The following ZNF385B variants were observed in gnomAD, a reference collection of about 807,000 sequenced individuals.
ZNF385B encodes zinc finger protein 533.
ZNF385B carries 23 observed loss-of-function variants against 39.2 expected under a neutral mutation model. That is an observed-to-expected ratio of 0.59 (90% CI 0.42 to 0.83). ZNF385B has a LOEUF of 0.83. Ranked by LOEUF, ZNF385B falls within the 40% of genes least tolerant of loss-of-function variation. The pLI is 0.00. For synonymous variants in ZNF385B, 205 were observed against 222.6 expected, an observed-to-expected ratio of 0.92 and a Z score of 0.70; for missense variants, 552 against 598.9, an observed-to-expected ratio of 0.92 and a Z score of 0.82.
chr2:179,641,206 A>C (rs4999673), intron 3 of ZNF385B, among the ~76,000 whole-genome samples: 140,020 of 151,934 alleles, frequency 0.92, 64,675 homozygotes, highest in African/African-American at 0.95. Flanking sequence ...ATCTGCTATA[A>C]AACGTTTTAT....
intron 1 of ZNF385B, among the ~76,000 whole-genome samples, chr2:179,771,555 T>C (rs1336819098): frequency 6.6e-6 from 1 of 152,202 alleles, no homozygotes; most frequent in Non-Finnish European, 1.5e-5. Context: ...AGAAATCAGG[T>C]TTAAGCAGTT....
intron 3 of ZNF385B, among the ~76,000 whole-genome samples, chr2:179,667,086 A>G (rs1695259915): frequency 6.6e-6 from 1 of 152,196 alleles, no homozygotes; most frequent in African/African-American, 2.4e-5. Context: ...GTGGCATAAT[A>G]CAATTGGCAA....
chr2:179,443,013 G>T lies in ZNF385B; in HGVS notation c.*237C>A. On this transcript the variant is annotated 3_prime_UTR_variant, in exon 10 of 10. Transcript: ENST00000410066. ...TACACAAATTGAACGCGGTAGGGTG[G>T]GGGAGGAAGTAGGGAGATAAAGCCT... The T allele has an allele frequency of 1.7e-6, 1 of 596,458 alleles. No homozygotes were observed. The highest frequency in any genetic ancestry group is 3.0e-6 in the Non-Finnish European group (1 of 334,782). 36.9% of individuals were successfully genotyped at this position (596,458 alleles called of 1,614,324 possible). A position where few individuals can be genotyped will look rare whatever the true frequency, so the allele number is the denominator to read the frequency against.
chr2:179,695,436 A>G (rs934920651), intron 3 of ZNF385B, among the ~76,000 whole-genome samples: 32 of 152,256 alleles, frequency 2.1e-4, no homozygotes, highest in African/African-American at 7.7e-4. Flanking sequence ...TTTAAATTAT[A>G]TAACTGAAAG....
intron 3 of ZNF385B, among the ~76,000 whole-genome samples, chr2:179,633,410 A>G (rs1355584769): frequency 2.6e-5 from 4 of 152,212 alleles, no homozygotes; most frequent in Non-Finnish European, 5.9e-5. Context: ...TATGCAAATC[A>G]ATAAACGTAC....
intron 4 of ZNF385B, among the ~76,000 whole-genome samples, chr2:179,541,157 G>A (rs764601740): frequency 9.2e-5 from 14 of 152,074 alleles, no homozygotes; most frequent in Admixed American, 3.9e-4. Flanking sequence ...TTCAAACTCC[G>A]TCTTCCTTAT....
At position 179,792,341 on chromosome 2, in the gene ZNF385B, G is replaced by C. The variant is rs1485147715; in HGVS notation, c.-154-21669C>G. Among the ~76,000 whole-genome samples, 3 of 149,376 alleles carry C rather than the reference G, an allele frequency of 2.0e-5. No homozygotes were observed. The Admixed American group carries it at 2.0e-4, about 10-fold the overall frequency. Reference sequence around the variant, plus strand: ...ACTTTAATAATAATTTATTCAAGCAGTGACTGAAGAAGTAGGCCATTTCAT... The same window carrying C: ...ACTTTAATAATAATTTATTCAAGCACTGACTGAAGAAGTAGGCCATTTCAT... On this transcript the variant is annotated intron_variant, in intron 1 of 9. Coordinates refer to ENST00000410066, the MANE Select transcript of ZNF385B (RefSeq NM_152520.6).
chr2:179,506,480 A>G (rs1373042010), intron 5 of ZNF385B, among the ~76,000 whole-genome samples: 1 of 152,160 alleles, frequency 6.6e-6, no homozygotes, highest in Non-Finnish European at 1.5e-5. Context: ...AATAAAATGT[A>G]ATATCAGTGG....
chr2:179,763,597 T>G (rs1212533210), intron 3 of ZNF385B, among the ~76,000 whole-genome samples: 7 of 152,224 alleles, frequency 4.6e-5, no homozygotes, highest in Non-Finnish European at 1.0e-4. Context: ...ACTTACTTAT[T>G]TGAGAACTTT....
At position 179,478,172 on chromosome 2, in the gene ZNF385B, C is replaced by A. The variant is rs528795995; in HGVS notation, c.715+5100G>T. ...TAACCTTCCCATAACCCAGGTTCTT[C>A]ATTGTTACTATAGTTTTGGGAGCAG... On this transcript the variant is annotated intron_variant, in intron 6 of 9. Transcript: ENST00000410066. Among the ~76,000 whole-genome samples the A allele has an allele frequency of 2.6e-5, 4 of 152,296 alleles. No homozygotes were observed. In the East Asian group the frequency reaches 7.7e-4, roughly 29 times the overall value.
chr2:179,522,178 C>A (rs2058552371), intron 4 of ZNF385B, among the ~76,000 whole-genome samples: 1 of 152,174 alleles, frequency 6.6e-6, no homozygotes, highest in South Asian at 2.1e-4. Context: ...ATACTCGAGT[C>A]ATTTCAATGG....
At chr2:179,631,367 A>C (rs909318588) in intron 3 of ZNF385B, among the ~76,000 whole-genome samples, 3 of 152,170 alleles carry the variant, frequency 2.0e-5, no homozygotes, top group Admixed American at 6.5e-5. Flanking sequence ...GTCAATATTC[A>C]ACATTATTAG....
At chr2:179,702,312 T>C (rs1257135612) in intron 3 of ZNF385B, among the ~76,000 whole-genome samples, 1 of 152,210 alleles carries the variant, frequency 6.6e-6, no homozygotes, top group Non-Finnish European at 1.5e-5. Context: ...AATTCTGTGA[T>C]TGCTTAAAGT....
intron 3 of ZNF385B, among the ~76,000 whole-genome samples, chr2:179,697,344 T>C (rs1464970072): frequency 6.6e-6 from 1 of 152,182 alleles, no homozygotes; most frequent in Non-Finnish European, 1.5e-5. Flanking sequence ...CTCATGATAG[T>C]GAGTGAACTC....
At chr2:179,586,898 G>T (rs62176093) in intron 3 of ZNF385B, among the ~76,000 whole-genome samples, 20,203 of 151,954 alleles carry the variant, frequency 0.13, 1,460 homozygotes, top group Middle Eastern at 0.23. Context: ...AATTAGCCGG[G>T]CGTGGTGGCA....
intron 1 of ZNF385B, among the ~76,000 whole-genome samples, chr2:179,782,959 C>T (rs1289622955): frequency 6.6e-6 from 1 of 152,170 alleles, no homozygotes; most frequent in Non-Finnish European, 1.5e-5. Flanking sequence ...GAATGACATT[C>T]TTCAGAGAAC....
intron 1 of ZNF385B, among the ~76,000 whole-genome samples, chr2:179,801,353 T>C (rs951331214): frequency 2.0e-5 from 3 of 152,044 alleles, no homozygotes; most frequent in Non-Finnish European, 4.4e-5. Flanking sequence ...TAGGCTCCAA[T>C]GACAAATGTT....
chr2:179,573,845 AT>A lies in ZNF385B; in HGVS notation c.299-28877del, dbSNP rs1255594639. Among the ~76,000 whole-genome samples the A allele has an allele frequency of 3.3e-5, 5 of 152,000 alleles. 1 individual carries two copies. Among genetic ancestry groups the A allele is most frequent in the African/African-American group, 9.7e-5 (4 of 41,402 alleles). Reference sequence around the variant, plus strand: ...CTATGTGGCTTTGGATAAAGTCTTAATTTTTTTTACATTTCAGTCTCTGTGA... The same window carrying A: ...CTATGTGGCTTTGGATAAAGTCTTAATTTTTTTACATTTCAGTCTCTGTGA... On this transcript the variant is annotated intron_variant, in intron 3 of 9. Transcript: ENST00000410066.
intron 6 of ZNF385B, chr2:179,481,140 G>C (rs1287180686): frequency 6.6e-6 from 1 of 152,090 alleles, no homozygotes; most frequent in East Asian, 1.9e-4. Flanking sequence ...GCTTTATCCT[G>C]GTGTTTTCCA....
Sources: gnomAD v4.1 joint callset for allele counts (sites outside exome capture counted in the v4.1 genomes callset) on GRCh38, gnomAD v4.1.1 for gene constraint, MANE v1.5 for transcripts, NCBI Gene and HGNC (gene_info 2026-07-23, HGNC 2026-07-21) for gene names.